The following GRB10 variants were observed in gnomAD, a reference collection of about 807,000 sequenced individuals.
The protein encoded by GRB10 is growth factor receptor-bound protein 10.
In GRB10, 20 loss-of-function variants were observed where a neutral mutation model predicts 80.9. That is an observed-to-expected ratio of 0.25 (90% confidence interval 0.17 to 0.36). The LOEUF is 0.36. GRB10 is among the 10% of genes least tolerant of loss of function. The pLI is 1.00. For synonymous variants in GRB10, 291 were observed against 291.5 expected (o/e 1.00, Z 0.02); for missense variants, 548 against 747.7 (o/e 0.73, Z 3.12).
chr7:50,770,589 T>C (rs1302039143), intron 2 of GRB10, among the ~76,000 whole-genome samples: 3 of 152,192 alleles, frequency 2.0e-5, no homozygotes, highest in Non-Finnish European at 4.4e-5. Context: ...GATAGTAAGA[T>C]ACGATGTGTC....
intron 7 of GRB10, among the ~76,000 whole-genome samples, chr7:50,628,182 C>T (rs139894022): frequency 5.3e-5 from 8 of 152,320 alleles, no homozygotes; most frequent in South Asian, 2.1e-4. Flanking sequence ...GAAACACGTG[C>T]GTTCTCTGAA....
chr7:50,689,466 T>C (rs1243481924), intron 5 of GRB10, among the ~76,000 whole-genome samples: 2 of 151,990 alleles, frequency 1.3e-5, no homozygotes, highest in African/African-American at 4.8e-5. Flanking sequence ...GTTGAAGGGG[T>C]TAAGTGGCCA....
intron 6 of GRB10, among the ~76,000 whole-genome samples, chr7:50,671,799 T>C (rs1002689542): frequency 1.3e-5 from 2 of 152,264 alleles, no homozygotes; most frequent in African/African-American, 4.8e-5. Flanking sequence ...GTTTTGAGCA[T>C]TTTAAAAAGT....
intron 2 of GRB10, among the ~76,000 whole-genome samples, chr7:50,771,463 G>A (rs145264852): frequency 6.6e-6 from 1 of 152,298 alleles, no homozygotes; most frequent in East Asian, 1.9e-4. Context: ...CGAACAGCGA[G>A]AGTCAGAAGG....
intron 5 of GRB10, among the ~76,000 whole-genome samples, chr7:50,679,029 T>A (rs1379158930): frequency 6.6e-6 from 1 of 152,228 alleles, no homozygotes; most frequent in African/African-American, 2.4e-5. Context: ...ATTTTATATA[T>A]AAAATTTCAC....
chr7:50,629,375 G>A (rs1282716185), intron 7 of GRB10, among the ~76,000 whole-genome samples: 1 of 152,072 alleles, frequency 6.6e-6, no homozygotes, highest in Non-Finnish European at 1.5e-5. Flanking sequence ...GCTGAGATGT[G>A]CTTGGTCACA....
intron 3 of GRB10, among the ~76,000 whole-genome samples, chr7:50,746,735 C>A (rs1349009702): frequency 2.6e-5 from 4 of 152,182 alleles, no homozygotes; most frequent in African/African-American, 9.7e-5. Context: ...CCCCAAACCC[C>A]TTCCTGCAGA....
chr7:50,614,705 GAGA>G (rs2050214749), intron 12 of GRB10, 62 bp downstream of exon 12: 8 of 960,686 alleles, frequency 8.3e-6, no homozygotes, highest in African/African-American at 1.6e-5. Flanking sequence ...TGCTGGGCAA[GAGA>G]AGAAGTCAGT....
intron 4 of GRB10, among the ~76,000 whole-genome samples, chr7:50,718,729 G>A (rs144317772): frequency 8.5e-5 from 13 of 152,232 alleles, no homozygotes; most frequent in African/African-American, 2.9e-4. Context: ...GTTAAGTCCC[G>A]TGCATACTGA....
At chr7:50,694,259 G>A (rs191859471) in intron 5 of GRB10, among the ~76,000 whole-genome samples, 20 of 152,332 alleles carry the variant, frequency 1.3e-4, no homozygotes, top group Admixed American at 2.0e-4. Context: ...GGGAGGTGGA[G>A]GTTGCAGTGA....
chr7:50,687,276 G>C lies in GRB10; in HGVS notation c.140-12618C>G, dbSNP rs574048897. Among the ~76,000 whole-genome samples the C allele has an allele frequency of 1.5e-4, 23 of 152,270 alleles. No homozygotes were observed. The South Asian group carries it at 4.8e-3, about 32-fold the overall frequency. ...CAAAGAAGAGCTGTTCCAGGCCCAG[G>C]AATCTATTGGCAGGATACATTCCCC... On this transcript the variant is annotated intron_variant, in intron 5 of 18. Coordinates refer to ENST00000401949, the MANE Select transcript of GRB10 (RefSeq NM_001350814.2).
At chr7:50,613,079 A>G (rs2049876306) in intron 12 of GRB10, among the ~76,000 whole-genome samples, 1 of 152,232 alleles carries the variant, frequency 6.6e-6, no homozygotes, top group Non-Finnish European at 1.5e-5. Context: ...TAGCTGAATA[A>G]TAAGCCATCC....
chr7:50,590,352 G>T lies in GRB10; in HGVS notation c.*2600C>A, dbSNP rs927190102. The T allele has an allele frequency of 6.6e-6, 1 of 152,178 alleles. No individual in the cohort carries two copies. 9.4% of individuals were successfully genotyped at this position (152,178 alleles called of 1,614,324 possible). On this transcript the variant is annotated 3_prime_UTR_variant, in exon 19 of 19. Coordinates refer to ENST00000401949, the MANE Select transcript of GRB10 (RefSeq NM_001350814.2). ...CCGCCCCCAGAAAGGCGCAGAGATC[G>T]GTCATACTGTCAGGTATTAAGTGCA...
rs537874940 is a variant in GRB10, at chr7:50,656,640, C to T, written c.504+13082G>A. ...AGTCCCTGCAAACAGCTGCTGACCACCTGGGACACAGAGTTCCACCCCTGC... is the reference window on the plus strand; with the variant it reads ...AGTCCCTGCAAACAGCTGCTGACCATCTGGGACACAGAGTTCCACCCCTGC... On this transcript the variant is annotated intron_variant, in intron 7 of 18. Transcript: ENST00000401949. Among the ~76,000 whole-genome samples the T allele has an allele frequency of 7.9e-5, 12 of 152,338 alleles. 1 individual carries two copies. The South Asian group carries it at 2.5e-3, about 32-fold the overall frequency.
At chr7:50,654,519 T>C (rs925760102) in intron 7 of GRB10, among the ~76,000 whole-genome samples, 8 of 152,332 alleles carry the variant, frequency 5.3e-5, no homozygotes, top group Middle Eastern at 3.4e-3. Flanking sequence ...GTTTCTCCTC[T>C]AGAAAGAGCT....
At chr7:50,700,981 C>A (rs866744372) in intron 5 of GRB10, among the ~76,000 whole-genome samples, 1 of 152,140 alleles carries the variant, frequency 6.6e-6, no homozygotes, top group Non-Finnish European at 1.5e-5. Flanking sequence ...AACACTATCA[C>A]GAATTGACTT....
At chr7:50,709,652 TC>T (rs2065587414) in intron 4 of GRB10, among the ~76,000 whole-genome samples, 1 of 150,074 alleles carries the variant, frequency 6.7e-6, no homozygotes, top group Non-Finnish European at 1.5e-5. Context: ...TGGCTTAACT[TC>T]CCTCACTCTG....
chr7:50,711,233 C>T (rs769205394), intron 4 of GRB10, among the ~76,000 whole-genome samples: 5 of 151,178 alleles, frequency 3.3e-5, no homozygotes, highest in African/African-American at 4.9e-5. Context: ...CCTGAGGGTG[C>T]AGTTAAAAGG....
intron 11 of GRB10, among the ~76,000 whole-genome samples, chr7:50,615,352 C>A (rs1435545372): frequency 6.6e-6 from 1 of 152,208 alleles, no homozygotes; most frequent in Admixed American, 6.5e-5. Context: ...GAAATACCCT[C>A]CCAACTTCAG....
Sources: gnomAD v4.1 joint callset for allele counts (sites outside exome capture counted in the v4.1 genomes callset) on GRCh38, gnomAD v4.1.1 for gene constraint, MANE v1.5 for transcripts, NCBI Gene and HGNC (gene_info 2026-07-23, HGNC 2026-07-21) for gene names.